Variants in METAP1D observed in about 807,000 individuals in gnomAD.
The protein encoded by METAP1D is methionine aminopeptidase 1D, mitochondrial.
METAP1D carries 31 observed loss-of-function variants against 40.5 expected under a neutral mutation model. The observed-to-expected ratio is 0.77, with a 90% CI of 0.58 to 1.03. The LOEUF is 1.03. Ranked by LOEUF, METAP1D falls within the 50% of genes least tolerant of loss-of-function variation. The pLI is 0.00. For synonymous variants in METAP1D, 151 were observed against 146.4 expected (o/e 1.03, Z -0.22); for missense variants, 411 against 420.7 (o/e 0.98, Z 0.20).
chr2:172,004,092 T>C (rs1688526842), intron 1 of METAP1D, among the ~76,000 whole-genome samples: 1 of 151,998 alleles, frequency 6.6e-6, no homozygotes, highest in Non-Finnish European at 1.5e-5. Context: ...TTAACAAATA[T>C]AAAAAAAACT....
At chr2:172,021,692 C>T (rs1306709390) in intron 1 of METAP1D, 1 of 152,192 alleles carries the variant, frequency 6.6e-6, no homozygotes, top group African/African-American at 2.4e-5. Context: ...GGTTTATTGA[C>T]AGGACAGGGT....
intron 1 of METAP1D, among the ~76,000 whole-genome samples, chr2:172,025,981 G>A (rs1343582463): frequency 6.6e-6 from 1 of 152,114 alleles, no homozygotes; most frequent in African/African-American, 2.4e-5. Context: ...AAAGATATAT[G>A]ATGGTTAAAC....
At chr2:172,008,470 C>G (rs1688639357) in intron 1 of METAP1D, among the ~76,000 whole-genome samples, 1 of 152,170 alleles carries the variant, frequency 6.6e-6, no homozygotes, top group Non-Finnish European at 1.5e-5. Flanking sequence ...ACCATAGTCC[C>G]CCGCTTATCC....
intron 1 of METAP1D, among the ~76,000 whole-genome samples, chr2:172,040,318 C>G (rs1689488424): frequency 1.3e-5 from 2 of 152,170 alleles, no homozygotes; most frequent in African/African-American, 4.8e-5. Flanking sequence ...TATAGCTTAA[C>G]TTTAAGGATT....
At chr2:172,034,456 A>G (rs1689323965) in intron 1 of METAP1D, among the ~76,000 whole-genome samples, 2 of 151,926 alleles carry the variant, frequency 1.3e-5, no homozygotes, top group Admixed American at 6.6e-5. Flanking sequence ...GGCGTTGCCT[A>G]TAAAATAGGT....
At position 172,065,618 on chromosome 2, in the gene METAP1D, T is replaced by A. The variant is rs369260131; in HGVS notation, c.363T>A (p.Thr121=). Residue 121 remains threonine (T), a synonymous_variant, in exon 4 of 10, where the codon ACT becomes ACA. Coordinates refer to ENST00000315796, the MANE Select transcript of METAP1D (RefSeq NM_199227.3). ...AGKSLKVDMT[T]EEIDALVHRE... ...TAACATTTTAGGTTGACATGACAAC[T>A]GAAGAGATAGATGCTCTTGTTCATC... 2.5e-6 allele frequency: 4 copies of A among 1,613,526 alleles called. No individual in the cohort carries two copies. Among genetic ancestry groups the A allele is most frequent in the African/African-American group, 1.3e-5 (1 of 74,920 alleles).
chr2:172,042,840 CGT>C (rs367785475), intron 1 of METAP1D, among the ~76,000 whole-genome samples: 488 of 38,556 alleles, frequency 0.013, 220 homozygotes, highest in African/African-American at 0.04. Context: ...TACACATATA[CGT>C]GTGTGTGTAT....
intron 1 of METAP1D, among the ~76,000 whole-genome samples, chr2:172,022,344 C>T (rs923262915): frequency 6.6e-6 from 1 of 152,054 alleles, no homozygotes; most frequent in African/African-American, 2.4e-5. Context: ...CCAGCAGTGC[C>T]CTGACTTCTC....
chr2:172,000,339 C>A (rs1249613641), intron 1 of METAP1D, among the ~76,000 whole-genome samples: 1 of 152,196 alleles, frequency 6.6e-6, no homozygotes. Context: ...TTCTGTATGC[C>A]GAGCAAGGAA....
At chr2:172,067,563 T>C (rs1222026620) in intron 5 of METAP1D, among the ~76,000 whole-genome samples, 2 of 152,206 alleles carry the variant, frequency 1.3e-5, no homozygotes, top group Non-Finnish European at 2.9e-5. Flanking sequence ...AACAGAGTTC[T>C]TTTCATGAGA....
Position 172,042,180 on chromosome 2 carries a change from TATGTGTAC to T in METAP1D, c.41-19308_41-19301del, listed in dbSNP as rs1440766256. Among the ~76,000 whole-genome samples, 2 of 97,150 alleles carry T rather than the reference TATGTGTAC, an allele frequency of 2.1e-5. 1 individual carries two copies. The highest frequency in any genetic ancestry group is 5.9e-5 in the African/African-American group (2 of 33,618). The allele number at this position is 97,150 out of a possible 152,430, so 63.7% of individuals were successfully genotyped here. On this transcript the variant is annotated intron_variant, in intron 1 of 9. Coordinates refer to ENST00000315796, the MANE Select transcript of METAP1D (RefSeq NM_199227.3). ...GTACATGTGTACACATATACATATGTATGTGTACATGTGTACACATATACATATGTATG... is the reference window on the plus strand; with the variant it reads ...GTACATGTGTACACATATACATATGTATGTGTACACATATACATATGTATG...
chr2:172,060,728 G>T (rs138810412), intron 1 of METAP1D, among the ~76,000 whole-genome samples: 1 of 152,068 alleles, frequency 6.6e-6, no homozygotes, highest in Non-Finnish European at 1.5e-5. Flanking sequence ...TCCCCTACTG[G>T]TATTTCCTAT....
At chr2:172,011,015 A>G (rs1688706360) in intron 1 of METAP1D, among the ~76,000 whole-genome samples, 1 of 152,068 alleles carries the variant, frequency 6.6e-6, no homozygotes, top group Non-Finnish European at 1.5e-5. Flanking sequence ...TCAGTCTCCC[A>G]TAGTGCTGGG....
At chr2:172,062,875 C>A (rs1414363833) in intron 2 of METAP1D, among the ~76,000 whole-genome samples, 1 of 152,172 alleles carries the variant, frequency 6.6e-6, no homozygotes, top group Non-Finnish European at 1.5e-5. Flanking sequence ...GCTTCCTGTC[C>A]CAAACTGCTG....
At chr2:172,035,170 GTTTGT>G in intron 1 of METAP1D, among the ~76,000 whole-genome samples, 2 of 151,204 alleles carry the variant, frequency 1.3e-5, no homozygotes, top group East Asian at 3.9e-4. Flanking sequence ...TTGTTTGTTT[GTTTGT>G]TTGTTTTGAG....
At chr2:172,060,476 G>A (rs1387672983) in intron 1 of METAP1D, among the ~76,000 whole-genome samples, 5 of 148,064 alleles carry the variant, frequency 3.4e-5, no homozygotes, top group Non-Finnish European at 5.9e-5. Flanking sequence ...ACAAGCCACA[G>A]AAAGAGCCAC....
intron 1 of METAP1D, among the ~76,000 whole-genome samples, chr2:172,017,106 G>A (rs1688885423): frequency 6.6e-6 from 1 of 151,654 alleles, no homozygotes; most frequent in South Asian, 2.1e-4. Context: ...ATCCCCTCTG[G>A]ACTTGGTCTG....
chr2:172,074,753 A>G (rs1317313942), intron 6 of METAP1D, among the ~76,000 whole-genome samples: 2 of 152,202 alleles, frequency 1.3e-5, no homozygotes, highest in African/African-American at 4.8e-5. Flanking sequence ...AAATATCTAG[A>G]AAGAGTAAAG....
chr2:172,058,200 C>T (rs756728183), intron 1 of METAP1D, among the ~76,000 whole-genome samples: 2 of 152,126 alleles, frequency 1.3e-5, no homozygotes, highest in African/African-American at 2.4e-5. Flanking sequence ...TGGGATCTCA[C>T]GATCCTCCCA....
Sources: gnomAD v4.1 joint callset for allele counts (sites outside exome capture counted in the v4.1 genomes callset) on GRCh38, gnomAD v4.1.1 for gene constraint, MANE v1.5 for transcripts, NCBI Gene and HGNC (gene_info 2026-07-23, HGNC 2026-07-21) for gene names.